DPYD: variants seen among roughly 807,000 people sequenced by gnomAD.
DPYD encodes the protein dihydropyrimidine dehydrogenase.
DPYD carries 109 observed loss-of-function variants against 116.2 expected under a neutral mutation model. The observed-to-expected ratio is 0.94, with a 90% CI of 0.80 to 1.10. The LOEUF (loss-of-function observed/expected upper bound fraction) is 1.10, where lower values mean the gene tolerates loss of function less well. Among genes scored for constraint, DPYD ranks in the 50% least tolerant of loss-of-function variants. DPYD has a pLI of 0.00. For synonymous variants in DPYD, 440 were observed against 432.0 expected (o/e 1.02, Z -0.23); for missense variants, 1,302 against 1,254.5 (o/e 1.04, Z -0.57).
At chr1:97,364,027 T>C (rs1021528926) in intron 16 of DPYD, among the ~76,000 whole-genome samples, 6 of 152,136 alleles carry the variant, frequency 3.9e-5, no homozygotes, top group African/African-American at 1.4e-4. Flanking sequence ...TATGGCTGAG[T>C]AGTATTCCAT....
chr1:97,560,545 T>C (rs1652067897), intron 11 of DPYD, among the ~76,000 whole-genome samples: 2 of 149,288 alleles, frequency 1.3e-5, no homozygotes, highest in Admixed American at 6.6e-5. Flanking sequence ...CTTGCCTTCA[T>C]TCATTCAATT....
chr1:97,621,625 C>T (rs1656639266), intron 8 of DPYD, among the ~76,000 whole-genome samples: 1 of 151,988 alleles, frequency 6.6e-6, no homozygotes, highest in Non-Finnish European at 1.5e-5. Flanking sequence ...GCTGGGAGGG[C>T]CTAACAAGCA....
At chr1:97,759,361 C>T (rs949234170) in intron 3 of DPYD, among the ~76,000 whole-genome samples, 1 of 152,112 alleles carries the variant, frequency 6.6e-6, no homozygotes, top group African/African-American at 2.4e-5. Context: ...AAAACCTTGG[C>T]TTTTGAGTCT....
chr1:97,149,612 G>A (rs938946475), intron 20 of DPYD, among the ~76,000 whole-genome samples: 201 of 152,084 alleles, frequency 1.3e-3, no homozygotes, highest in Non-Finnish European at 1.0e-3. Context: ...CTTGCAACTC[G>A]ATTTCTATAG....
At chr1:97,845,652 A>G (rs1041355412) in intron 2 of DPYD, among the ~76,000 whole-genome samples, 2 of 152,228 alleles carry the variant, frequency 1.3e-5, no homozygotes, top group African/African-American at 2.4e-5. Flanking sequence ...ATGAAAGAGC[A>G]GTAACAAAAA....
intron 13 of DPYD, among the ~76,000 whole-genome samples, chr1:97,511,115 C>G (rs745568976): frequency 6.6e-6 from 1 of 151,856 alleles, no homozygotes; most frequent in Non-Finnish European, 1.5e-5. Flanking sequence ...ACTGATCATG[C>G]GTGCTGAGCC....
At chr1:97,288,528 A>G (rs2100971263) in intron 18 of DPYD, among the ~76,000 whole-genome samples, 1 of 152,218 alleles carries the variant, frequency 6.6e-6, no homozygotes, top group Middle Eastern at 3.4e-3. Context: ...CAGGATTAAG[A>G]AACTCACTCA....
chr1:97,642,497 T>C (rs542775982), intron 8 of DPYD, among the ~76,000 whole-genome samples: 3 of 152,076 alleles, frequency 2.0e-5, no homozygotes, highest in African/African-American at 7.2e-5. Flanking sequence ...GGGGAAAGGA[T>C]TCCTTATTTA....
intron 11 of DPYD, among the ~76,000 whole-genome samples, chr1:97,555,321 G>A (rs984755099): frequency 6.6e-6 from 1 of 151,952 alleles, no homozygotes; most frequent in Middle Eastern, 3.4e-3. Context: ...AGTCATTTAG[G>A]GCCTTCAATT....
chr1:97,500,532 T>A (rs1481674044), intron 13 of DPYD, among the ~76,000 whole-genome samples: 3 of 152,046 alleles, frequency 2.0e-5, no homozygotes, highest in Admixed American at 1.3e-4. Context: ...TTTAGATGCA[T>A]GGGATTATCG....
At chr1:97,453,772 T>C (rs1004192009) in intron 13 of DPYD, among the ~76,000 whole-genome samples, 3 of 152,076 alleles carry the variant, frequency 2.0e-5, no homozygotes, top group African/African-American at 7.2e-5. Flanking sequence ...TTTTCTCTTC[T>C]ACGATGTGGT....
At chr1:97,351,812 T>A (rs1670160847) in intron 16 of DPYD, among the ~76,000 whole-genome samples, 1 of 151,800 alleles carries the variant, frequency 6.6e-6, no homozygotes, top group South Asian at 2.1e-4. Flanking sequence ...GTCAGGCAAA[T>A]AAAAGCAAAT....
At chr1:97,436,053 T>C in intron 14 of DPYD, among the ~76,000 whole-genome samples, 1 of 152,148 alleles carries the variant, frequency 6.6e-6, no homozygotes, top group Non-Finnish European at 1.5e-5. Flanking sequence ...GCAGATTAAA[T>C]GGGCCCTTTG....
intron 4 of DPYD, among the ~76,000 whole-genome samples, chr1:97,724,789 A>G (rs983218301): frequency 7.9e-5 from 12 of 151,632 alleles, no homozygotes; most frequent in Non-Finnish European, 1.5e-4. Context: ...TCAATCGGAC[A>G]CATAAAATCA....
intron 12 of DPYD, among the ~76,000 whole-genome samples, chr1:97,529,338 C>G (rs959437703): frequency 6.6e-6 from 1 of 152,146 alleles, no homozygotes; most frequent in African/African-American, 2.4e-5. Context: ...AGGAACACAA[C>G]AGTTAACAGA....
intron 16 of DPYD, among the ~76,000 whole-genome samples, chr1:97,315,868 A>T (rs1211565782): frequency 2.0e-5 from 3 of 151,940 alleles, no homozygotes; most frequent in Non-Finnish European, 4.4e-5. Context: ...AAGCAGGGCT[A>T]ATTTTTTTCC....
chr1:97,184,720 G>A (rs991602506), intron 20 of DPYD, among the ~76,000 whole-genome samples: 2 of 151,854 alleles, frequency 1.3e-5, no homozygotes, highest in African/African-American at 4.8e-5. Context: ...AACTATTATT[G>A]TACATTGTTT....
At chr1:97,288,242 A>C (rs6691764) in intron 18 of DPYD, among the ~76,000 whole-genome samples, 140,575 of 147,516 alleles carry the variant, frequency 0.95, 67,397 homozygotes, top group East Asian at 1. Context: ...TAATGGGAGA[A>C]TTTAACACCC....
At chr1:97,290,293 T>G (rs1275999118) in intron 18 of DPYD, among the ~76,000 whole-genome samples, 3 of 152,006 alleles carry the variant, frequency 2.0e-5, no homozygotes, top group African/African-American at 7.3e-5. Flanking sequence ...GCCATCCCCA[T>G]CAAGCTACCA....
Sources: allele counts gnomAD v4.1 joint callset (sites outside exome capture counted in the v4.1 genomes callset), GRCh38; gene constraint gnomAD v4.1.1; transcripts MANE v1.5; gene names NCBI Gene and HGNC (gene_info 2026-07-23, HGNC 2026-07-21).